Variants in CPT1A observed in about 807,000 individuals in gnomAD.
CPT1A encodes the protein carnitine O-palmitoyltransferase 1, liver isoform.
A neutral mutation model predicts 100.8 loss-of-function variants in CPT1A; 64 were observed. The ratio of observed to expected loss-of-function variants is 0.63; its 90% CI spans 0.52 to 0.78. The LOEUF is 0.78. CPT1A is among the 30% of genes least tolerant of loss of function. CPT1A has a pLI of 0.00. For synonymous variants in CPT1A, 363 were observed against 396.0 expected, an observed-to-expected ratio of 0.92 and a Z score of 0.99; for missense variants, 802 against 1,034.1, an observed-to-expected ratio of 0.78 and a Z score of 3.08.
At chr11:68,787,775 C>T (rs1855505973) in intron 9 of CPT1A, among the ~76,000 whole-genome samples, 3 of 151,900 alleles carry the variant, frequency 2.0e-5, no homozygotes, top group South Asian at 2.1e-4. Context: ...AAACTCGTCT[C>T]TACTAAAAAA....
chr11:68,840,174 AC>A (rs1857124223), intron 1 of CPT1A, among the ~76,000 whole-genome samples: 2 of 152,134 alleles, frequency 1.3e-5, no homozygotes, highest in Non-Finnish European at 2.9e-5. Context: ...TAGTCCCCAG[AC>A]CAACTGACAG....
At chr11:68,783,925 A>G in intron 10 of CPT1A, among the ~76,000 whole-genome samples, 1 of 152,200 alleles carries the variant, frequency 6.6e-6, no homozygotes, top group Admixed American at 6.5e-5. Flanking sequence ...GCTGGAGTGC[A>G]GTGCCTTGAT....
At chr11:68,815,530 C>G in intron 1 of CPT1A, 43 bp from the exon 2 acceptor site, 2 of 1,598,778 alleles carry the variant, frequency 1.3e-6, no homozygotes, top group Non-Finnish European at 1.7e-6. Flanking sequence ...GAACGTGTGA[C>G]CAGACACTAA....
chr11:68,773,876 A>G, intron 13 of CPT1A: 1 of 258,210 alleles, frequency 3.9e-6, no homozygotes, highest in East Asian at 9.5e-5. Context: ...GAGAGGCAAA[A>G]TGGCGGCGTC....
chr11:68,786,922 C>T (rs769757968), intron 9 of CPT1A, among the ~76,000 whole-genome samples: 20 of 152,190 alleles, frequency 1.3e-4, no homozygotes, highest in Non-Finnish European at 1.9e-4. Context: ...TTGGACCAAA[C>T]GGCATTTGAA....
intron 1 of CPT1A, among the ~76,000 whole-genome samples, chr11:68,828,061 G>T (rs977668050): frequency 6.6e-6 from 1 of 152,208 alleles, no homozygotes; most frequent in African/African-American, 2.4e-5. Context: ...AAAGAGCATA[G>T]TGTTCGTGGG....
rs953543727 is a variant in CPT1A at position 68,764,357 on chromosome 11, T to G, written c.1741-1596A>C. ...GTGTGCACCCTGGCACAGGCCCTGG[T>G]GGCCCCAGGGTGGCAGACCCACCCA... is the stretch of plus-strand genomic sequence containing the variant. On this transcript the variant is annotated intron_variant, in intron 14 of 18. Coordinates refer to ENST00000265641, the MANE Select transcript of CPT1A (RefSeq NM_001876.4). Among the ~76,000 whole-genome samples, 6 of 152,318 alleles carry G rather than the reference T, an allele frequency of 3.9e-5. No homozygotes were observed. In the Middle Eastern group the frequency reaches 0.01, roughly 259 times the overall value.
chr11:68,835,261 C>G (rs78094385), intron 1 of CPT1A, among the ~76,000 whole-genome samples: 6 of 152,292 alleles, frequency 3.9e-5, no homozygotes, highest in South Asian at 2.1e-4. Context: ...CATCGGCACT[C>G]GGGCAGGAGC....
At chr11:68,807,675 G>A in intron 3 of CPT1A, 37 bp from the exon 4 acceptor site, 2 of 1,608,206 alleles carry the variant, frequency 1.2e-6, no homozygotes, top group Non-Finnish European at 1.7e-6. Context: ...GGCTGTGCGT[G>A]AGGCCACACG....
At chr11:68,837,965 G>A (rs774499649) in intron 1 of CPT1A, among the ~76,000 whole-genome samples, 2 of 152,292 alleles carry the variant, frequency 1.3e-5, no homozygotes, top group Non-Finnish European at 2.9e-5. Context: ...ACTTAGCCCC[G>A]GCTGCATGTG....
chr11:68,784,282 C>G (rs979758314), intron 10 of CPT1A, among the ~76,000 whole-genome samples: 1 of 152,210 alleles, frequency 6.6e-6, no homozygotes, highest in Non-Finnish European at 1.5e-5. Flanking sequence ...CTAATCCTGG[C>G]CAGGCATATG....
At chr11:68,807,259 C>T (rs531470137) in intron 4 of CPT1A, among the ~76,000 whole-genome samples, 19 of 152,280 alleles carry the variant, frequency 1.2e-4, no homozygotes, top group African/African-American at 4.1e-4. Context: ...CTGCAGGTCT[C>T]ACTAATGTCA....
chr11:68,766,728 T>C (rs1385238557), intron 14 of CPT1A, among the ~76,000 whole-genome samples: 1 of 150,910 alleles, frequency 6.6e-6, no homozygotes, highest in Non-Finnish European at 1.5e-5. Context: ...CCTCAGGTGA[T>C]CCATCCGCCT....
rs1456391197 is a variant in CPT1A, at chr11:68,761,632, T to A, written c.1931A>T (p.Tyr644Phe). 2 of 1,614,036 alleles carry A rather than the reference T, an allele frequency of 1.2e-6. No individual in the cohort carries two copies. Among genetic ancestry groups the A allele is most frequent in the Non-Finnish European group, 1.7e-6 (2 of 1,180,036 alleles). The part of the protein sequence containing the change: ...KLASEKHQHM[Y>F]RLAMTGSGID... ...CCCAGAGCCGGTCATGGCGAGGCGA[T>A]ACATATGCTGATGCTTCTCAGACGC... The change falls in exon 16 of 19, where the codon TAT becomes TTT. Residue 644 changes from tyrosine to phenylalanine, a missense_variant. By Grantham distance (22) the Tyr-to-Phe change is conservative (BLOSUM62 3). This residue lies in a region of CPT1A where 627 missense variants were observed against 799.3 expected (regional missense o/e 0.78). Transcript: ENST00000265641.
At chr11:68,806,668 C>A (rs1220578600) in intron 4 of CPT1A, among the ~76,000 whole-genome samples, 1 of 150,306 alleles carries the variant, frequency 6.7e-6, no homozygotes, top group Non-Finnish European at 1.5e-5. Flanking sequence ...TACAGTGGTT[C>A]ACACCTGTAA....
chr11:68,757,382 A>T lies in CPT1A; in HGVS notation c.*262T>A. 7.4e-7 allele frequency: 1 copy of T among 1,349,186 alleles called. No homozygotes were observed. Among genetic ancestry groups the T allele is most frequent in the Non-Finnish European group, 9.5e-7 (1 of 1,047,830 alleles). 83.6% of individuals were successfully genotyped at this position (1,349,186 alleles called of 1,614,324 possible). A position where few individuals can be genotyped will look rare whatever the true frequency, so the allele number is the denominator to read the frequency against. On this transcript the variant is annotated 3_prime_UTR_variant, in exon 19 of 19. Coordinates refer to ENST00000265641, the MANE Select transcript of CPT1A (RefSeq NM_001876.4). Reference sequence around the variant, plus strand: ...AACTCAACAAGATTTGCATCCCTTAATAAATCCAAGCCGATGCGGAGACAT... The same window carrying T: ...AACTCAACAAGATTTGCATCCCTTATTAAATCCAAGCCGATGCGGAGACAT...
intron 1 of CPT1A, among the ~76,000 whole-genome samples, chr11:68,817,457 G>T (rs1230517902): frequency 6.6e-6 from 1 of 152,162 alleles, no homozygotes. Flanking sequence ...CAGCAGAAAA[G>T]GTCCCTCTGC....
intron 11 of CPT1A, 90 bp from the exon 12 acceptor site, chr11:68,780,835 T>C (rs919927762): frequency 1.1e-5 from 10 of 937,714 alleles, no homozygotes; most frequent in South Asian, 1.1e-4. Context: ...CTGGATGGAC[T>C]AATTCACTTT....
intron 9 of CPT1A, among the ~76,000 whole-genome samples, chr11:68,790,788 C>A (rs1030874780): frequency 1.3e-5 from 2 of 152,164 alleles, no homozygotes; most frequent in Admixed American, 1.3e-4. Context: ...TTTATCCCAG[C>A]ATTTCCCTTG....
Sources: gnomAD v4.1 joint callset for allele counts (sites outside exome capture counted in the v4.1 genomes callset) on GRCh38, gnomAD v4.1.1 for gene constraint, gnomAD v4.1.1 regional missense constraint, MANE v1.5 for transcripts, NCBI Gene and HGNC (gene_info 2026-07-23, HGNC 2026-07-21) for gene names.